ZNF654: variants seen among roughly 807,000 people sequenced by gnomAD.
ZNF654 encodes melanoma-associated antigen.
Under a neutral mutation model 95.3 loss-of-function variants are expected in ZNF654, and 19 were observed. That is an observed-to-expected ratio of 0.20 (90% CI 0.14 to 0.29). The LOEUF (loss-of-function observed/expected upper bound fraction) is 0.29, where lower values mean the gene tolerates loss of function less well. Among genes scored for constraint, ZNF654 ranks in the 10% least tolerant of loss-of-function variants. ZNF654 has a pLI of 1.00. For synonymous variants in ZNF654, 413 were observed against 457.9 expected, an observed-to-expected ratio of 0.90 and a Z score of 1.25; for missense variants, 1,046 against 1,341.0, an observed-to-expected ratio of 0.78 and a Z score of 3.44.
At chr3:88,061,854 G>A (rs745545760) in intron 1 of ZNF654, among the ~76,000 whole-genome samples, 38 of 152,186 alleles carry the variant, frequency 2.5e-4, no homozygotes, top group Non-Finnish European at 4.7e-4. Flanking sequence ...ATATTGTGCA[G>A]TTGGGGTATG....
intron 1 of ZNF654, among the ~76,000 whole-genome samples, chr3:88,072,219 A>G (rs1241075074): frequency 1.3e-5 from 2 of 152,186 alleles, no homozygotes; most frequent in Non-Finnish European, 2.9e-5. Context: ...ATTTCTGTCT[A>G]TTATGACCCT....
intron 1 of ZNF654, among the ~76,000 whole-genome samples, chr3:88,073,741 T>C (rs553152545): frequency 1.2e-3 from 182 of 152,260 alleles, no homozygotes; most frequent in Non-Finnish European, 2.3e-3. Context: ...GTTTGAAGAG[T>C]TAGTGCATTC....
rs546350697 is a variant in ZNF654 at position 88,143,045 on chromosome 3, A to C, written c.*1393A>C. ...GGCAGTGTTTCAAAACAGATCTCCT[A>C]ATGTCCCAATGTCAAATATTCCAGT... On this transcript the variant is annotated 3_prime_UTR_variant, in exon 9 of 9. Transcript: ENST00000636215. 9 of 152,378 alleles carry C rather than the reference A, an allele frequency of 5.9e-5. No homozygotes were observed. Among genetic ancestry groups the C allele is most frequent in the African/African-American group, 2.2e-4 (9 of 41,540 alleles). The allele number at this position is 152,378 out of a possible 1,614,324, so 9.4% of individuals were successfully genotyped here.
At chr3:88,071,845 T>A (rs4858989) in intron 1 of ZNF654, among the ~76,000 whole-genome samples, 1 of 152,132 alleles carries the variant, frequency 6.6e-6, no homozygotes, top group African/African-American at 2.4e-5. Flanking sequence ...AACTTCACTT[T>A]TGAAGCCATT....
In ZNF654 at chr3:88,139,212, G is replaced by A. The variant is rs1706975021; in HGVS notation, c.1543G>A (p.Val515Ile). 1.4e-6 allele frequency: 2 copies of A among 1,466,138 alleles called. No individual in the cohort carries two copies. Among genetic ancestry groups the A allele is most frequent in the South Asian group, 1.5e-5 (1 of 66,818 alleles). 90.8% of individuals were successfully genotyped at this position (1,466,138 alleles called of 1,614,324 possible). Residue 515 changes from valine to isoleucine, a missense_variant, in exon 8 of 9, where the codon GTA becomes ATA. Transcript: ENST00000636215. ...QSTGETDPDD[V>I]SGVQPKGHIN... The stretch of plus-strand genomic sequence containing the variant: ...CACTGGAGAGACTGATCCTGATGAT[G>A]TATCTGGAGTGCAGCCTAAAGGTCA...
chr3:88,134,216 T>A (rs1706633609), intron 6 of ZNF654, among the ~76,000 whole-genome samples: 1 of 152,068 alleles, frequency 6.6e-6, no homozygotes, highest in Non-Finnish European at 1.5e-5. Flanking sequence ...ATTTTCTGTT[T>A]TTGTCTGAGT....
intron 2 of ZNF654, among the ~76,000 whole-genome samples, chr3:88,104,941 C>T (rs1412865308): frequency 6.6e-6 from 1 of 152,208 alleles, no homozygotes; most frequent in Non-Finnish European, 1.5e-5. Flanking sequence ...AAGTTTGAGA[C>T]CAGCCTGGCC....
In ZNF654 at chr3:88,128,802, A is replaced by C. The variant is rs1706271654; in HGVS notation, c.551-7A>C. 1 of 1,524,390 alleles carries C rather than the reference A, an allele frequency of 6.6e-7. No individual in the cohort carries two copies. Among genetic ancestry groups the C allele is most frequent in the Non-Finnish European group, 8.8e-7 (1 of 1,138,202 alleles). 94.4% of individuals were successfully genotyped at this position (1,524,390 alleles called of 1,614,324 possible). A position where few individuals can be genotyped will look rare whatever the true frequency, so the allele number is the denominator to read the frequency against. On this transcript the variant is annotated splice_region_variant and splice_polypyrimidine_tract_variant and intron_variant, in intron 4 of 8. Transcript: ENST00000636215. ...GAGTAATAGAGTCTGTTTTCTTTTT[A>C]ATATAGTGAACAAATATTTAAGTTC...
chr3:88,082,507 A>G (rs1444653565), intron 1 of ZNF654, among the ~76,000 whole-genome samples: 1 of 152,226 alleles, frequency 6.6e-6, no homozygotes, highest in East Asian at 1.9e-4. Context: ...AATGACACCT[A>G]TGAACTGTGA....
intron 1 of ZNF654, among the ~76,000 whole-genome samples, chr3:88,060,778 T>C (rs1706831546): frequency 6.6e-6 from 1 of 152,146 alleles, no homozygotes; most frequent in Non-Finnish European, 1.5e-5. Context: ...AGGGATTTTT[T>C]CAATGCTTGT....
intron 1 of ZNF654, among the ~76,000 whole-genome samples, chr3:88,085,315 A>G (rs542002450): frequency 1.3e-5 from 2 of 152,346 alleles, no homozygotes; most frequent in East Asian, 3.9e-4. Flanking sequence ...TGTAGCAGGA[A>G]AGCAGCCACA....
At position 88,141,884 on chromosome 3, in the gene ZNF654, T is replaced by C; in HGVS notation, c.*232T>C. 1 of 378,012 alleles carries C rather than the reference T, an allele frequency of 2.6e-6. No homozygotes were observed. Among genetic ancestry groups the C allele is most frequent in the Admixed American group, 4.3e-5 (1 of 23,510 alleles). The allele number at this position is 378,012 out of a possible 1,614,324, so 23.4% of individuals were successfully genotyped here. On this transcript the variant is annotated 3_prime_UTR_variant, in exon 9 of 9. Transcript: ENST00000636215. ...GTACCAGTTTTCCAGAAAACCACAT[T>C]TTACAGTTTATGATGATTAATAGCA...
chr3:88,067,726 C>A (rs1409050378), intron 1 of ZNF654, among the ~76,000 whole-genome samples: 1 of 152,062 alleles, frequency 6.6e-6, no homozygotes, highest in Non-Finnish European at 1.5e-5. Context: ...CTAAACAGAG[C>A]TGTTTTGGTG....
At chr3:88,106,924 C>A (rs1341415430) in intron 2 of ZNF654, among the ~76,000 whole-genome samples, 1 of 152,128 alleles carries the variant, frequency 6.6e-6, no homozygotes, top group Non-Finnish European at 1.5e-5. Flanking sequence ...TTTTCACATA[C>A]TATTGTGGTC....
At position 88,073,046 on chromosome 3, in the gene ZNF654, C is replaced by G. The variant is rs187352239; in HGVS notation, c.187-13211C>G. ...TGGACATTTTAAGTAGAGGAGATAACTTGTGAAAAGATGGATGGCATGGCA... is the reference window on the plus strand; with the variant it reads ...TGGACATTTTAAGTAGAGGAGATAAGTTGTGAAAAGATGGATGGCATGGCA... On this transcript the variant is annotated intron_variant, in intron 1 of 8. Transcript: ENST00000636215. Among the ~76,000 whole-genome samples the G allele has an allele frequency of 3.9e-5, 6 of 152,212 alleles. No homozygotes were observed. The East Asian group carries it at 1.2e-3, about 29-fold the overall frequency.
intron 2 of ZNF654, among the ~76,000 whole-genome samples, chr3:88,097,817 C>T (rs530834225): frequency 2.6e-5 from 4 of 152,086 alleles, no homozygotes; most frequent in African/African-American, 4.8e-5. Flanking sequence ...AGAATATCTG[C>T]GACACATTTA....
In ZNF654 at chr3:88,139,835, A is replaced by G; in HGVS notation, c.2166A>G (p.Ser722=). The G allele has an allele frequency of 5.1e-6, 8 of 1,576,584 alleles. No homozygotes were observed. Among genetic ancestry groups the G allele is most frequent in the Non-Finnish European group, 6.9e-6 (8 of 1,160,272 alleles). ...EDDYDLNQET[S]VIHKINGTVC... is the part of the protein sequence containing the mutation. Reference sequence around the variant, plus strand: ...ATTATGACCTGAATCAAGAAACTTCAGTAATTCATAAAATCAATGGAACTG... The same window carrying G: ...ATTATGACCTGAATCAAGAAACTTCGGTAATTCATAAAATCAATGGAACTG... The change falls in exon 8 of 9, where the codon TCA becomes TCG. Residue 722 remains serine (S), a synonymous_variant. Coordinates refer to ENST00000636215, the MANE Select transcript of ZNF654 (RefSeq NM_001350134.2).
chr3:88,078,016 C>G (rs1707904058), intron 1 of ZNF654, among the ~76,000 whole-genome samples: 1 of 152,026 alleles, frequency 6.6e-6, no homozygotes. Flanking sequence ...TGTGAAATTT[C>G]TTTGTATTTA....
At chr3:88,073,266 A>G (rs1469691639) in intron 1 of ZNF654, among the ~76,000 whole-genome samples, 2 of 152,210 alleles carry the variant, frequency 1.3e-5, no homozygotes, top group Non-Finnish European at 2.9e-5. Context: ...AGTCTAATGC[A>G]TGCTAAAGTT....
Sources: gnomAD v4.1 joint callset for allele counts (sites outside exome capture counted in the v4.1 genomes callset) on GRCh38, gnomAD v4.1.1 for gene constraint, MANE v1.5 for transcripts, NCBI Gene and HGNC (gene_info 2026-07-23, HGNC 2026-07-21) for gene names.